Variants in SGSM1 observed in about 807,000 individuals in gnomAD.
SGSM1 encodes the protein small G protein signaling modulator 1, also known as RUN and TBC1 domain containing 2.
Under a neutral mutation model 133.8 loss-of-function variants are expected in SGSM1, and 73 were observed. The observed-to-expected ratio is 0.55, with a 90% CI of 0.45 to 0.66. The LOEUF is 0.66. Among genes scored for constraint, SGSM1 ranks in the 30% least tolerant of loss-of-function variants. The pLI is 0.00. For synonymous variants in SGSM1, 563 were observed against 573.0 expected (o/e 0.98, Z 0.25); for missense variants, 1,213 against 1,448.1 (o/e 0.84, Z 2.64).
intron 16 of SGSM1, among the ~76,000 whole-genome samples, chr22:24,890,769 T>C (rs141609011): frequency 0.04 from 6,118 of 151,796 alleles, 281 homozygotes; most frequent in African/African-American, 0.1. Context: ...GTCTTGAACT[T>C]CTGACTTTGT....
At chr22:24,849,247 TAAAAAAA>T (rs377102485) in intron 4 of SGSM1, among the ~76,000 whole-genome samples, 1 of 142,554 alleles carries the variant, frequency 7.0e-6, no homozygotes, top group Non-Finnish European at 1.5e-5. Context: ...AGTATTTTAT[TAAAAAAA>T]AAAAAAAAAT....
intron 2 of SGSM1, among the ~76,000 whole-genome samples, chr22:24,838,607 T>C (rs1020212605): frequency 3.9e-5 from 6 of 152,196 alleles, no homozygotes; most frequent in Non-Finnish European, 8.8e-5. Flanking sequence ...AAGGACAGTT[T>C]ATGGGGTAGT....
intron 2 of SGSM1, among the ~76,000 whole-genome samples, chr22:24,839,683 T>C (rs1257347340): frequency 6.6e-6 from 1 of 152,192 alleles, no homozygotes; most frequent in Non-Finnish European, 1.5e-5. Flanking sequence ...CTGTTAAAAT[T>C]TTCTATTTCT....
chr22:24,881,576 C>A (rs554960967), intron 14 of SGSM1, among the ~76,000 whole-genome samples: 5 of 148,764 alleles, frequency 3.4e-5, no homozygotes, highest in Admixed American at 6.7e-5. Context: ...AAAAACAAAA[C>A]AAAACAAAAC....
chr22:24,811,554 T>C (rs532059980), intron 2 of SGSM1, among the ~76,000 whole-genome samples: 4 of 152,114 alleles, frequency 2.6e-5, no homozygotes, highest in African/African-American at 9.6e-5. Flanking sequence ...AGAAGAGAGA[T>C]TGGACTATGT....
At chr22:24,870,580 C>G (rs986689035) in intron 12 of SGSM1, among the ~76,000 whole-genome samples, 1 of 152,220 alleles carries the variant, frequency 6.6e-6, no homozygotes, top group South Asian at 2.1e-4. Flanking sequence ...ACTGGCTGTG[C>G]TCACCCACAT....
chr22:24,897,238 G>C (rs1447637869), intron 18 of SGSM1, among the ~76,000 whole-genome samples: 3 of 151,898 alleles, frequency 2.0e-5, no homozygotes, highest in Non-Finnish European at 4.4e-5. Context: ...AAATCAGCCA[G>C]GCATGGTGGC....
At chr22:24,834,245 C>T (rs1192952327) in intron 2 of SGSM1, among the ~76,000 whole-genome samples, 3 of 152,240 alleles carry the variant, frequency 2.0e-5, no homozygotes, top group Non-Finnish European at 4.4e-5. Context: ...CTGCAGACCA[C>T]CTAAGTAGGC....
intron 10 of SGSM1, among the ~76,000 whole-genome samples, chr22:24,867,655 A>G (rs923480167): frequency 6.6e-6 from 1 of 152,162 alleles, no homozygotes; most frequent in Non-Finnish European, 1.5e-5. Flanking sequence ...GAAGATTGGG[A>G]TCAATAACTG....
At chr22:24,898,710 T>C (rs143353972) in intron 19 of SGSM1, among the ~76,000 whole-genome samples, 151 bp downstream of exon 19, 18 of 152,048 alleles carry the variant, frequency 1.2e-4, no homozygotes, top group East Asian at 3.9e-4. Context: ...TAGAAACCCA[T>C]TTGGGAGAGA....
At chr22:24,821,105 C>T (rs982151918) in intron 2 of SGSM1, among the ~76,000 whole-genome samples, 2 of 152,128 alleles carry the variant, frequency 1.3e-5, no homozygotes, top group Non-Finnish European at 2.9e-5. Context: ...GGCGTGATCT[C>T]GACTCACTGC....
intron 9 of SGSM1, among the ~76,000 whole-genome samples, chr22:24,862,308 CA>C (rs1386036844): frequency 6.6e-6 from 1 of 152,090 alleles, no homozygotes; most frequent in Non-Finnish European, 1.5e-5. Context: ...GGAGGGGTCC[CA>C]GGGGTGCTCT....
Position 24,847,645 on chromosome 22 carries a change from G to A in SGSM1, c.151G>A (p.Ala51Thr), listed in dbSNP as rs769368121. The stretch of plus-strand genomic sequence containing the variant: ...CCATGTCCCTGCAGCGGCTGTGGAG[G>A]CCTGCGTTCTGCACGGGCTTCGGCG... ...HIISFCAAVE[A>T]CVLHGLRRRA... The change falls in exon 4 of 25, where the codon GCC (alanine) becomes ACC (threonine). Residue 51 changes from alanine (A) to threonine (T), a missense_variant. By Grantham distance (58) the Ala-to-Thr change is moderately conservative. Coordinates refer to ENST00000400358, the MANE Select transcript of SGSM1 (RefSeq NM_001098497.3). 3.3e-5 allele frequency: 54 copies of A among 1,613,358 alleles called. No individual in the cohort carries two copies. In the East Asian group the frequency reaches 3.6e-4, roughly 11 times the overall value.
At chr22:24,907,884 C>A (rs192403501) in intron 21 of SGSM1, among the ~76,000 whole-genome samples, 233 of 122,210 alleles carry the variant, frequency 1.9e-3, no homozygotes, top group African/African-American at 7.1e-3. Flanking sequence ...TGCACTCCAG[C>A]CTAGGTGACA....
chr22:24,897,316 G>T (rs561289306), intron 18 of SGSM1, among the ~76,000 whole-genome samples: 3 of 152,222 alleles, frequency 2.0e-5, no homozygotes, highest in African/African-American at 7.2e-5. Flanking sequence ...GGAGGTGGAG[G>T]TTGCAGTGAG....
chr22:24,810,195 C>T (rs917350300), intron 2 of SGSM1, among the ~76,000 whole-genome samples: 1 of 152,162 alleles, frequency 6.6e-6, no homozygotes, highest in African/African-American at 2.4e-5. Context: ...CTGTTCACTG[C>T]ACAATCTTAG....
At chr22:24,828,875 C>T (rs987314761) in intron 2 of SGSM1, among the ~76,000 whole-genome samples, 15 of 152,034 alleles carry the variant, frequency 9.9e-5, no homozygotes, top group Admixed American at 5.2e-4. Flanking sequence ...ACGTATGCAC[C>T]ATAGAATATT....
chr22:24,822,121 T>C (rs926306459), intron 2 of SGSM1, among the ~76,000 whole-genome samples: 2 of 143,438 alleles, frequency 1.4e-5, no homozygotes, highest in East Asian at 2.1e-4. Context: ...GACAGAGTCT[T>C]GCTCTGTTGC....
At chr22:24,884,817 T>C (rs1417861001) in intron 15 of SGSM1, among the ~76,000 whole-genome samples, 1 of 152,150 alleles carries the variant, frequency 6.6e-6, no homozygotes, top group African/African-American at 2.4e-5. Flanking sequence ...GAAAATGAAA[T>C]TTTAAAAAGA....
Sources: gnomAD v4.1 joint callset for allele counts (sites outside exome capture counted in the v4.1 genomes callset) on GRCh38, gnomAD v4.1.1 for gene constraint, MANE v1.5 for transcripts, NCBI Gene and HGNC (gene_info 2026-07-23, HGNC 2026-07-21) for gene names.